The following SEPTIN9 variants were observed in gnomAD, a reference collection of about 807,000 sequenced individuals.
The protein encoded by SEPTIN9 is septin-9.
In SEPTIN9, 13 loss-of-function variants were observed where a neutral mutation model predicts 56.6. The observed-to-expected ratio is 0.23, with a 90% CI of 0.15 to 0.37. SEPTIN9 has a LOEUF of 0.37. SEPTIN9 is among the 10% of genes least tolerant of loss of function. The pLI is 1.00. For synonymous variants in SEPTIN9, 332 were observed against 334.1 expected (o/e 0.99, Z 0.07); for missense variants, 650 against 823.1 (o/e 0.79, Z 2.57).
chr17:77,351,608 A>T lies in SEPTIN9; in HGVS notation c.76+44411A>T, dbSNP rs1414007285. On this transcript the variant is annotated intron_variant, in intron 2 of 11. Transcript: ENST00000427177. Reference sequence around the variant, plus strand: ...GAAGGCTGACCTCAGAGGCGGCCCCAGGGCCCTTGGAGGCCCTGCCCCTGA... The same window carrying T: ...GAAGGCTGACCTCAGAGGCGGCCCCTGGGCCCTTGGAGGCCCTGCCCCTGA... Among the ~76,000 whole-genome samples, 5 of 152,214 alleles carry T rather than the reference A, an allele frequency of 3.3e-5. No individual in the cohort carries two copies. In the East Asian group the frequency reaches 9.6e-4, roughly 29 times the overall value.
intron 3 of SEPTIN9, chr17:77,444,792 C>G: frequency 4.0e-6 from 1 of 249,650 alleles, no homozygotes; most frequent in South Asian, 4.1e-5. Context: ...GTGAGACGGG[C>G]GGACACCAGA....
intron 3 of SEPTIN9, among the ~76,000 whole-genome samples, chr17:77,439,034 T>C (rs941056325): frequency 3.3e-5 from 5 of 152,198 alleles, no homozygotes; most frequent in Non-Finnish European, 7.3e-5. Context: ...TTTTTTGTTT[T>C]AACACTTAGA....
chr17:77,349,232 T>G (rs1568007153), intron 2 of SEPTIN9, among the ~76,000 whole-genome samples: 1 of 152,302 alleles, frequency 6.6e-6, no homozygotes, highest in East Asian at 1.9e-4. Flanking sequence ...TTCTCCTGCC[T>G]CAGCCTCCCA....
chr17:77,349,257 C>T (rs904488113), intron 2 of SEPTIN9, among the ~76,000 whole-genome samples: 1 of 152,178 alleles, frequency 6.6e-6, no homozygotes, highest in Non-Finnish European at 1.5e-5. Context: ...GCTGGGACTA[C>T]AGGCATGTGC....
intron 3 of SEPTIN9, among the ~76,000 whole-genome samples, chr17:77,470,325 C>T (rs930297633): frequency 1.3e-5 from 2 of 151,624 alleles, no homozygotes; most frequent in Non-Finnish European, 2.9e-5. Context: ...CATCCATCTA[C>T]CCATCCTCTC....
rs147213134 is a variant in SEPTIN9 at position 77,488,236 on chromosome 17, G to A, written c.1043-4G>A. 2.1e-3 allele frequency: 3,404 copies of A among 1,613,684 alleles called. 40 individuals are homozygous for A. In the African/African-American group the frequency reaches 0.026, roughly 12 times the overall value. ...TCTGACTCTGCGTCCGTGGCTCTGT[G>A]CAGATATTGAGGAGAAAGGCGTCCG... On this transcript the variant is annotated splice_polypyrimidine_tract_variant and splice_region_variant and intron_variant, in intron 5 of 11. Transcript: ENST00000427177.
chr17:77,490,936 T>C, intron 8 of SEPTIN9, 77 bp downstream of exon 8: 1 of 1,119,390 alleles, frequency 8.9e-7, no homozygotes, highest in Non-Finnish European at 1.3e-6. Context: ...GGCCACCCCG[T>C]CTAAAGGAGT....
chr17:77,366,803 G>A (rs1398815008), intron 2 of SEPTIN9, among the ~76,000 whole-genome samples: 1 of 152,206 alleles, frequency 6.6e-6, no homozygotes, highest in African/African-American at 2.4e-5. Context: ...CCGGAGCGGG[G>A]AGCTCGGATG....
At chr17:77,293,071 CAGT>C (rs1201768207) in intron 1 of SEPTIN9, among the ~76,000 whole-genome samples, 1 of 151,986 alleles carries the variant, frequency 6.6e-6, no homozygotes, top group African/African-American at 2.4e-5. Flanking sequence ...AGCTGAAGTG[CAGT>C]GGTGTGATCA....
chr17:77,457,634 A>G (rs2038273475), intron 3 of SEPTIN9, among the ~76,000 whole-genome samples: 1 of 152,246 alleles, frequency 6.6e-6, no homozygotes, highest in Non-Finnish European at 1.5e-5. Context: ...CTTCCAGAAC[A>G]GCCGATAGTG....
intron 1 of SEPTIN9, among the ~76,000 whole-genome samples, chr17:77,304,211 T>G (rs1306384009): frequency 2.0e-5 from 3 of 152,240 alleles, no homozygotes; most frequent in African/African-American, 7.2e-5. Context: ...GCGGCTGCGC[T>G]GAGCCTGGCA....
chr17:77,474,700 C>T (rs1361440540), intron 3 of SEPTIN9, among the ~76,000 whole-genome samples: 1 of 152,220 alleles, frequency 6.6e-6, no homozygotes, highest in Admixed American at 6.5e-5. Flanking sequence ...CTGGGGCTCA[C>T]CTACCTGGCT....
rs547979483 is a variant in SEPTIN9 at position 77,329,269 on chromosome 17, A to G, written c.76+22072A>G. Among the ~76,000 whole-genome samples the G allele has an allele frequency of 6.6e-6, 1 of 152,244 alleles. No individual in the cohort carries two copies. Among genetic ancestry groups the G allele is most frequent in the East Asian group, 1.9e-4 (1 of 5,170 alleles). ...GGAGAGGGAGGATCAGGATCTCTTT[A>G]GAGAGGAAGTTGGAGAGGGAGGATC... On this transcript the variant is annotated intron_variant, in intron 2 of 11. Coordinates refer to ENST00000427177, the MANE Select transcript of SEPTIN9 (RefSeq NM_001113491.2). The surrounding 1 kb of genome is among the most constrained non-coding windows in gnomAD (Gnocchi z 4.3).
intron 3 of SEPTIN9, among the ~76,000 whole-genome samples, chr17:77,462,451 A>G (rs1389648268): frequency 6.6e-6 from 1 of 152,002 alleles, no homozygotes; most frequent in East Asian, 1.9e-4. Context: ...CGCCTGGCTA[A>G]TTTTTTATTT....
chr17:77,341,311 T>C (rs1439302765), intron 2 of SEPTIN9, among the ~76,000 whole-genome samples: 1 of 152,212 alleles, frequency 6.6e-6, no homozygotes. Flanking sequence ...ATTGGCCTAA[T>C]TTCAATATTG....
chr17:77,492,856 T>C lies in SEPTIN9; in HGVS notation c.1477-124T>C. ...ACTGAGCCCAGGTGTCTGTACCCAG[T>C]GCTGTCAGGCTGAGGCTCTCGTTTT... On this transcript the variant is annotated intron_variant, in intron 9 of 11. Coordinates refer to ENST00000427177, the MANE Select transcript of SEPTIN9 (RefSeq NM_001113491.2). This position sits in a 1 kb window ranked among gnomAD's most constrained non-coding sequence, Gnocchi z 5.4. The C allele has an allele frequency of 8.3e-7, 1 of 1,199,272 alleles. No homozygotes were observed. The highest frequency in any genetic ancestry group is 1.2e-6 in the Non-Finnish European group (1 of 811,612). 74.3% of individuals were successfully genotyped at this position (1,199,272 alleles called of 1,614,324 possible).
chr17:77,343,597 A>C (rs1336751142), intron 2 of SEPTIN9, among the ~76,000 whole-genome samples: 4 of 152,236 alleles, frequency 2.6e-5, no homozygotes, highest in African/African-American at 9.6e-5. Context: ...TTTGTAGCCA[A>C]GTCAGACAGA....
chr17:77,309,788 A>G (rs1038448536), intron 2 of SEPTIN9, among the ~76,000 whole-genome samples: 6 of 152,338 alleles, frequency 3.9e-5, no homozygotes, highest in East Asian at 1.9e-4. Flanking sequence ...AATGTAAAGA[A>G]TAAGGTAATA....
At chr17:77,464,064 T>A (rs200512733) in intron 3 of SEPTIN9, among the ~76,000 whole-genome samples, 5 of 126,932 alleles carry the variant, frequency 3.9e-5, no homozygotes, top group South Asian at 2.6e-4. Flanking sequence ...ATTTAAAAAA[T>A]TTTTTTTCTT....
Sources: gnomAD v4.1 joint callset for allele counts (sites outside exome capture counted in the v4.1 genomes callset) on GRCh38, gnomAD v4.1.1 for gene constraint, Gnocchi (gnomAD v3.1) non-coding constraint, MANE v1.5 for transcripts, NCBI Gene and HGNC (gene_info 2026-07-23, HGNC 2026-07-21) for gene names.